ABHD16A: variants seen among roughly 807,000 people sequenced by gnomAD.
ABHD16A encodes abhydrolase domain containing 16A, phospholipase, also known as phosphatidylserine lipase ABHD16A.
In ABHD16A, 47 loss-of-function variants were observed where a neutral mutation model predicts 89.8. The observed-to-expected ratio is 0.52, with a 90% CI of 0.41 to 0.67. The LOEUF (loss-of-function observed/expected upper bound fraction) is 0.67. Ranked by LOEUF, ABHD16A falls within the 30% of genes least tolerant of loss-of-function variation. The probability of loss-of-function intolerance (pLI) is 0.00; values close to 1 mark genes in which losing one functional copy is unlikely to be tolerated. For synonymous variants in ABHD16A, 251 were observed against 280.4 expected (o/e 0.90, Z 1.05); for missense variants, 580 against 734.6 (o/e 0.79, Z 2.43).
chr6:31,691,904 TGCGCCACCAGG>T lies in ABHD16A; in HGVS notation c.630_640del (p.Tyr210Ter). The T allele has an allele frequency of 6.2e-7, 1 of 1,608,344 alleles. No individual in the cohort carries two copies. Among genetic ancestry groups the T allele is most frequent in the Non-Finnish European group, 8.5e-7 (1 of 1,178,426 alleles). On this transcript the variant is annotated stop_gained and frameshift_variant, in exon 8 of 20. Transcript: ENST00000395952. LOFTEE classifies it high-confidence loss of function. ...ATACAGCATCCGGCGCCCTAGGGTGTGCGCCACCAGGTAGCTGTGGGGAACACAGGTTAACA... is the reference window on the plus strand; with the variant it reads ...ATACAGCATCCGGCGCCCTAGGGTGTTAGCTGTGGGGAACACAGGTTAACA...
rs972990257 is a variant in ABHD16A at position 31,687,615 on chromosome 6, C to T, written c.1546+27G>A. On this transcript the variant is annotated intron_variant, in intron 18 of 19. Coordinates refer to ENST00000395952, the MANE Select transcript of ABHD16A (RefSeq NM_021160.3). This position sits in a 1 kb window ranked among gnomAD's most constrained non-coding sequence, Gnocchi z 6.3. Reference sequence around the variant, plus strand: ...ATCCCCTTCCTAGGCCCTTCCCACCCTCTCTCCTGCCCCAGGAGCTCCTTA... The same window carrying T: ...ATCCCCTTCCTAGGCCCTTCCCACCTTCTCTCCTGCCCCAGGAGCTCCTTA... The T allele has an allele frequency of 6.2e-7, 1 of 1,612,968 alleles. No homozygotes were observed. Among genetic ancestry groups the T allele is most frequent in the Non-Finnish European group, 8.5e-7 (1 of 1,179,974 alleles).
chr6:31,687,438 T>C lies in ABHD16A; in HGVS notation c.1593+60A>G, dbSNP rs1037731542. On this transcript the variant is annotated intron_variant, in intron 19 of 19. Transcript: ENST00000395952. The surrounding 1 kb of genome is among the most constrained non-coding windows in gnomAD (Gnocchi z 6.3). Reference sequence around the variant, plus strand: ...TCCAATGCTTATAGGGTATCCCCAGTCCCCCTATGTGAGCCCTGGCCATTC... The same window carrying C: ...TCCAATGCTTATAGGGTATCCCCAGCCCCCCTATGTGAGCCCTGGCCATTC... The C allele has an allele frequency of 2.3e-5, 37 of 1,607,156 alleles. No individual in the cohort carries two copies. Among genetic ancestry groups the C allele is most frequent in the Admixed American group, 2.2e-4 (13 of 59,970 alleles).
At chr6:31,692,982 T>C (rs1804041998) in intron 7 of ABHD16A, 45 bp downstream of exon 7, 8 of 1,613,990 alleles carry the variant, frequency 5.0e-6, no homozygotes, top group South Asian at 3.3e-5. Context: ...ACTCCTGAAA[T>C]GGCCCCTCCA....
intron 11 of ABHD16A, 111 bp from the exon 12 acceptor site, chr6:31,689,815 AGAAG>A (rs1803684913): frequency 8.9e-6 from 13 of 1,453,050 alleles, no homozygotes; most frequent in Non-Finnish European, 1.2e-5. Context: ...GAGAAGGTGT[AGAAG>A]GAAGGGATGG....
At chr6:31,700,707 G>A (rs1233858084) in intron 4 of ABHD16A, among the ~76,000 whole-genome samples, 1 of 151,570 alleles carries the variant, frequency 6.6e-6, no homozygotes, top group Non-Finnish European at 1.5e-5. Flanking sequence ...AGACCAGCCT[G>A]GACAACATGG....
chr6:31,687,907 AG>A lies in ABHD16A; in HGVS notation c.1371-8del, dbSNP rs1803460429. The A allele has an allele frequency of 1.2e-6, 2 of 1,612,756 alleles. No individual in the cohort carries two copies. The highest frequency in any genetic ancestry group is 2.2e-5 in the East Asian group (1 of 44,858). ...TGCCATCACCCGGGGATACCTACGG[AG>A]GAAGTGCCAGGACAGGTCAGGGCTG... is the stretch of plus-strand genomic sequence containing the variant. On this transcript the variant is annotated splice_region_variant and splice_polypyrimidine_tract_variant and intron_variant, in intron 16 of 19. Coordinates refer to ENST00000395952, the MANE Select transcript of ABHD16A (RefSeq NM_021160.3). The surrounding 1 kb of genome is among the most constrained non-coding windows in gnomAD (Gnocchi z 6.3).
intron 11 of ABHD16A, 123 bp downstream of exon 11, chr6:31,689,955 C>G: frequency 8.0e-7 from 1 of 1,248,842 alleles, no homozygotes; most frequent in Non-Finnish European, 1.1e-6. Flanking sequence ...CCTCCTAGAC[C>G]CCAGCCCTCA....
At position 31,688,461 on chromosome 6, in the gene ABHD16A, A is replaced by G. The variant is rs1562092916; in HGVS notation, c.1251-156T>C. 3 of 852,382 alleles carry G rather than the reference A, an allele frequency of 3.5e-6. No homozygotes were observed. The highest frequency in any genetic ancestry group is 5.1e-5 in the East Asian group (2 of 39,138). 52.8% of individuals were successfully genotyped at this position (852,382 alleles called of 1,614,324 possible). On this transcript the variant is annotated intron_variant, in intron 14 of 19. Coordinates refer to ENST00000395952, the MANE Select transcript of ABHD16A (RefSeq NM_021160.3). The surrounding 1 kb of genome is among the most constrained non-coding windows in gnomAD (Gnocchi z 4.9). ...ACTCAGGGGTGAGAGGGGATTATTT[A>G]AGGGGCATGGTTCAGTCTGGCCCTG...
intron 5 of ABHD16A, among the ~76,000 whole-genome samples, chr6:31,694,820 A>C (rs1804244709): frequency 6.6e-6 from 1 of 152,212 alleles, no homozygotes; most frequent in African/African-American, 2.4e-5. Flanking sequence ...AACAGAGAGC[A>C]ATAGAAAAAT....
At chr6:31,689,405 G>A (rs779872162) in intron 12 of ABHD16A, among the ~76,000 whole-genome samples, 176 bp downstream of exon 12, 2 of 152,152 alleles carry the variant, frequency 1.3e-5, no homozygotes, top group African/African-American at 4.8e-5. Flanking sequence ...GCACAAGAGG[G>A]GAAGGAAAGG....
chr6:31,694,408 T>TTTTTTTTA (rs9279388), intron 5 of ABHD16A, among the ~76,000 whole-genome samples: 4 of 120,218 alleles, frequency 3.3e-5, no homozygotes, highest in African/African-American at 5.7e-5. Context: ...TTTTTTTTTT[T>TTTTTTTTA]GAGATGGAGT....
intron 11 of ABHD16A, 21 bp from the exon 12 acceptor site, chr6:31,689,725 TC>T (rs1408600172): frequency 1.3e-5 from 21 of 1,600,392 alleles, no homozygotes; most frequent in Non-Finnish European, 1.8e-5. Context: ...AAGGGCAAAG[TC>T]AGGAGTGTGT....
chr6:31,689,558 G>C, intron 12 of ABHD16A, 23 bp downstream of exon 12: 1 of 1,564,916 alleles, frequency 6.4e-7, no homozygotes, highest in Non-Finnish European at 8.7e-7. Flanking sequence ...GTCTACAGTG[G>C]GGGATGGGAG....
chr6:31,690,185 C>T lies in ABHD16A; in HGVS notation c.908-58G>A. ...TGTGGCCCACAGCCCTTTCTCCATCCCTGGGGGAAGGAAGAGCAGAAGTAC... is the reference window on the plus strand; with the variant it reads ...TGTGGCCCACAGCCCTTTCTCCATCTCTGGGGGAAGGAAGAGCAGAAGTAC... On this transcript the variant is annotated intron_variant, in intron 10 of 19. Coordinates refer to ENST00000395952, the MANE Select transcript of ABHD16A (RefSeq NM_021160.3). This position sits in a 1 kb window ranked among gnomAD's most constrained non-coding sequence, Gnocchi z 4.1. 6.8e-7 allele frequency: 1 copy of T among 1,477,964 alleles called. No homozygotes were observed. The allele number at this position is 1,477,964 out of a possible 1,614,324, so 91.6% of individuals were successfully genotyped here.
In ABHD16A at chr6:31,687,784, G is replaced by C; in HGVS notation, c.1447+40C>G. The C allele has an allele frequency of 1.2e-6, 2 of 1,612,896 alleles. No homozygotes were observed. Among genetic ancestry groups the C allele is most frequent in the Non-Finnish European group, 1.7e-6 (2 of 1,179,944 alleles). On this transcript the variant is annotated intron_variant, in intron 17 of 19. Transcript: ENST00000395952. The surrounding 1 kb of genome is among the most constrained non-coding windows in gnomAD (Gnocchi z 6.3). ...GACAGCCAGTCAGCAACCTGACCTT[G>C]CTGGGCCCCCGCCCCAAGCCTCACT...
chr6:31,688,211 T>C lies in ABHD16A; in HGVS notation c.1307+38A>G. ...TAGAAGGGACAAGTTCCTGGCCATC[T>C]CTGGGGTTCCTGAGGGCCGAGATTC... is the stretch of plus-strand genomic sequence containing the variant. On this transcript the variant is annotated intron_variant, in intron 15 of 19. Coordinates refer to ENST00000395952, the MANE Select transcript of ABHD16A (RefSeq NM_021160.3). This position sits in a 1 kb window ranked among gnomAD's most constrained non-coding sequence, Gnocchi z 4.9. The C allele has an allele frequency of 1.2e-6, 2 of 1,611,894 alleles. No homozygotes were observed. The highest frequency in any genetic ancestry group is 1.7e-6 in the Non-Finnish European group (2 of 1,178,156).
In ABHD16A at chr6:31,688,763, T is replaced by C; in HGVS notation, c.1210A>G (p.Arg404Gly). ...GCGTTGTTTAGATTGAGATGCTGCC[T>C]CACGGTCCTGGTCACCAGGCCCCCT... Reference protein sequence around the residue: ...SWRGLVTRTVRQHLNLNNAEQ... With the variant: ...SWRGLVTRTVGQHLNLNNAEQ... Residue 404 changes from arginine to glycine, a missense_variant, in exon 14 of 20, where the codon AGG becomes GGG. By Grantham distance (125) the Arg-to-Gly change is moderately radical. Transcript: ENST00000395952. The surrounding 1 kb of genome is among the most constrained non-coding windows in gnomAD (Gnocchi z 4.9). 6.2e-7 allele frequency: 1 copy of C among 1,613,012 alleles called. No individual in the cohort carries two copies. The highest frequency in any genetic ancestry group is 8.5e-7 in the Non-Finnish European group (1 of 1,179,996).
chr6:31,702,848 C>T, intron 1 of ABHD16A: 3 of 1,374,692 alleles, frequency 2.2e-6, no homozygotes, highest in African/African-American at 1.5e-5. Context: ...GGTCTCTTCC[C>T]GGGACTCAAG....
Position 31,687,015 on chromosome 6 carries a change from G to A in ABHD16A, c.*197C>T, listed in dbSNP as rs907121336. 1.7e-6 allele frequency: 1 copy of A among 593,984 alleles called. No homozygotes were observed. The highest frequency in any genetic ancestry group is 1.9e-5 in the African/African-American group (1 of 53,668). 36.8% of individuals were successfully genotyped at this position (593,984 alleles called of 1,614,324 possible). On this transcript the variant is annotated 3_prime_UTR_variant, in exon 20 of 20. Coordinates refer to ENST00000395952, the MANE Select transcript of ABHD16A (RefSeq NM_021160.3). This position sits in a 1 kb window ranked among gnomAD's most constrained non-coding sequence, Gnocchi z 6.3. ...GGAATAATCCATTCATGTAATGCAG[G>A]ATGTATGTTGGAGAAGGTTAAGTAC...
Sources: gnomAD v4.1 joint callset for allele counts (sites outside exome capture counted in the v4.1 genomes callset) on GRCh38, gnomAD v4.1.1 for gene constraint, Gnocchi (gnomAD v3.1) non-coding constraint, MANE v1.5 for transcripts, NCBI Gene and HGNC (gene_info 2026-07-23, HGNC 2026-07-21) for gene names.